Variants in PPP1R13L observed in about 807,000 individuals in gnomAD.
PPP1R13L encodes the protein relA-associated inhibitor.
In PPP1R13L, 50 loss-of-function variants were observed where a neutral mutation model predicts 80.9. The observed-to-expected ratio is 0.62, with a 90% confidence interval of 0.49 to 0.78. The LOEUF is 0.78. Ranked by LOEUF, PPP1R13L falls within the 30% of genes least tolerant of loss-of-function variation. The pLI, the probability that PPP1R13L is intolerant of heterozygous loss-of-function variation, is 0.00. For missense variants in PPP1R13L, 1,200 were observed against 1,205.9 expected (o/e 1.00, Z 0.07); for synonymous variants, 602 against 534.3 (o/e 1.13, Z -1.75).
intron 7 of PPP1R13L, chr19:45,394,826 G>A (rs945884582): frequency 2.0e-5 from 3 of 148,118 alleles, no homozygotes; most frequent in African/African-American, 7.6e-5. Flanking sequence ...ATGTCAATAG[G>A]ATCGATTCTA....
At chr19:45,387,741 T>C (rs909083957) in intron 8 of PPP1R13L, among the ~76,000 whole-genome samples, 1 of 152,096 alleles carries the variant, frequency 6.6e-6, no homozygotes. Flanking sequence ...TTAGTAAAGA[T>C]GGGGTTTCAC....
At chr19:45,390,432 A>G (rs2123367130) in intron 8 of PPP1R13L, among the ~76,000 whole-genome samples, 2 of 152,300 alleles carry the variant, frequency 1.3e-5, no homozygotes, top group East Asian at 3.9e-4. Context: ...CCTGACCAAA[A>G]CTACTGGTGT....
chr19:45,395,796 AGCGCCGGTAGCTGCCC>A lies in PPP1R13L; in HGVS notation c.978_993del (p.Gly327ArgfsTer43). On this transcript the variant is annotated frameshift_variant, in exon 7 of 13. Coordinates refer to ENST00000360957, the MANE Select transcript of PPP1R13L (RefSeq NM_006663.4). LOFTEE classifies it high-confidence loss of function. Reference sequence around the variant, plus strand: ...CCCGACGGCCCCGCGGAGCCCAGCGAGCGCCGGTAGCTGCCCGCGTCTGAACGCCGGTCGCTGGCCA... The same window carrying A: ...CCCGACGGCCCCGCGGAGCCCAGCGAGCGTCTGAACGCCGGTCGCTGGCCA... The A allele has an allele frequency of 6.3e-7, 1 of 1,578,790 alleles. No individual in the cohort carries two copies.
At chr19:45,392,624 G>A (rs537230775) in intron 7 of PPP1R13L, 97 of 522,000 alleles carry the variant, frequency 1.9e-4, no homozygotes, top group Middle Eastern at 1.5e-3. Flanking sequence ...CCACATTACC[G>A]AAAGGGAATC....
intron 6 of PPP1R13L, 78 bp from the exon 7 acceptor site, chr19:45,395,964 G>A (rs1044672718): frequency 7.9e-6 from 11 of 1,387,136 alleles, no homozygotes; most frequent in South Asian, 7.7e-5. Context: ...AGACGAGAAG[G>A]GAGAGGAGGT....
intron 1 of PPP1R13L, among the ~76,000 whole-genome samples, chr19:45,403,502 A>G (rs1348817618): frequency 1.3e-5 from 2 of 152,130 alleles, no homozygotes; most frequent in Non-Finnish European, 2.9e-5. Flanking sequence ...GATTCCAGAC[A>G]GAAGCTGGCA....
intron 8 of PPP1R13L, among the ~76,000 whole-genome samples, chr19:45,387,148 G>A (rs992074880): frequency 1.3e-5 from 2 of 151,550 alleles, no homozygotes; most frequent in African/African-American, 2.4e-5. Context: ...CACACCCGTC[G>A]TCCCAGCTAC....
At chr19:45,388,770 C>T (rs1972914562) in intron 8 of PPP1R13L, among the ~76,000 whole-genome samples, 1 of 151,396 alleles carries the variant, frequency 6.6e-6, no homozygotes, top group African/African-American at 2.4e-5. Context: ...CAGAGTTTCT[C>T]TCTGTTGCCC....
At chr19:45,395,215 G>A in intron 7 of PPP1R13L, 1 of 608,646 alleles carries the variant, frequency 1.6e-6, no homozygotes. Flanking sequence ...AGGTCACACA[G>A]CGTGGAACCA....
In PPP1R13L at chr19:45,396,907, C is replaced by T; in HGVS notation, c.350G>A (p.Arg117Gln). Residue 117 changes from arginine to glutamine, a missense_variant, in exon 4 of 13, where the codon CGG becomes CAG. Transcript: ENST00000360957. This position sits in a 1 kb window ranked among gnomAD's most constrained non-coding sequence, Gnocchi z 5.3. ...GAGCGGGGTGCGCGGCGACGACGGC[C>T]GTCCCTTGGGGGACAGCGGGCTGTA... ...HPYSPLSPKGRPSSPRTPLYL... is the reference protein window; with the variant it reads ...HPYSPLSPKGQPSSPRTPLYL... 6.6e-7 allele frequency: 1 copy of T among 1,508,492 alleles called. No individual in the cohort carries two copies. Among genetic ancestry groups the T allele is most frequent in the Non-Finnish European group, 8.8e-7 (1 of 1,136,500 alleles). The allele number at this position is 1,508,492 out of a possible 1,614,324, so 93.4% of individuals were successfully genotyped here.
intron 1 of PPP1R13L, among the ~76,000 whole-genome samples, chr19:45,400,275 A>T (rs553634570): frequency 6.6e-6 from 1 of 151,870 alleles, no homozygotes; most frequent in Non-Finnish European, 1.5e-5. Flanking sequence ...CCAGGGGTGG[A>T]GGGGCAGCTG....
In PPP1R13L at chr19:45,398,585, C is replaced by CTTTT. The variant is rs113649282; in HGVS notation, c.-21-250_-21-247dup. The stretch of plus-strand genomic sequence containing the variant: ...CACTTTCTCTTTCTTTTTTTCTTTT[C>CTTTT]TTTTTTTTTTTTTTTTTGTGTATGT... On this transcript the variant is annotated intron_variant, in intron 1 of 12. Transcript: ENST00000360957. 1.0e-3 allele frequency among the ~76,000 whole-genome samples: 141 copies of CTTTT among 136,506 alleles called. 1 individual carries two copies. Among genetic ancestry groups the CTTTT allele is most frequent in the African/African-American group, 3.5e-3 (125 of 35,872 alleles). 89.6% of individuals were successfully genotyped at this position (136,506 alleles called of 152,430 possible).
chr19:45,380,077 A>C lies in PPP1R13L; in HGVS notation c.*113T>G. 1 of 1,210,030 alleles carries C rather than the reference A, an allele frequency of 8.3e-7. No individual in the cohort carries two copies. The highest frequency in any genetic ancestry group is 1.2e-6 in the Non-Finnish European group (1 of 838,052). 75.0% of individuals were successfully genotyped at this position (1,210,030 alleles called of 1,614,324 possible). A position where few individuals can be genotyped will look rare whatever the true frequency, so the allele number is the denominator to read the frequency against. On this transcript the variant is annotated 3_prime_UTR_variant, in exon 13 of 13. Coordinates refer to ENST00000360957, the MANE Select transcript of PPP1R13L (RefSeq NM_006663.4). ...GAACAGAGAACCGGTGGCAAGGACCACCACCAGCAGGGTGAGGGGTGCAGA... is the reference window on the plus strand; with the variant it reads ...GAACAGAGAACCGGTGGCAAGGACCCCCACCAGCAGGGTGAGGGGTGCAGA...
At chr19:45,384,013 C>A (rs1309966754) in intron 11 of PPP1R13L, among the ~76,000 whole-genome samples, 1 of 151,774 alleles carries the variant, frequency 6.6e-6, no homozygotes, top group Non-Finnish European at 1.5e-5. Context: ...AATCCGCCCG[C>A]CTCGAGCCTC....
At chr19:45,399,360 C>T (rs937636833) in intron 1 of PPP1R13L, among the ~76,000 whole-genome samples, 4 of 151,010 alleles carry the variant, frequency 2.6e-5, no homozygotes, top group Non-Finnish European at 5.9e-5. Context: ...CGCGGTGGCT[C>T]ACGCCTGTAA....
chr19:45,404,271 C>T (rs1203919265), intron 1 of PPP1R13L, among the ~76,000 whole-genome samples: 1 of 152,186 alleles, frequency 6.6e-6, no homozygotes, highest in Non-Finnish European at 1.5e-5. Context: ...CCTCTGCAAA[C>T]CCAGCTGTTT....
At chr19:45,397,292 C>A (rs1266669466) in intron 3 of PPP1R13L, among the ~76,000 whole-genome samples, 1 of 152,026 alleles carries the variant, frequency 6.6e-6, no homozygotes, top group African/African-American at 2.4e-5. Context: ...AGGTAAACAC[C>A]TCTTTCCTTC....
intron 7 of PPP1R13L, chr19:45,393,240 A>T (rs981289561): frequency 6.6e-6 from 1 of 150,952 alleles, no homozygotes; most frequent in Non-Finnish European, 1.5e-5. Flanking sequence ...CACACACATT[A>T]TATATATAGT....
rs537356368 is a variant in PPP1R13L, at chr19:45,398,309, C to G, written c.10G>C (p.Glu4Gln). MDS[E>Q]AFQSARDFLD... Reference sequence around the variant, plus strand: ...AAGTCCCGCGCGCTCTGGAATGCCTCGCTGTCCATGGTGCCGGCCGGAGCG... The same window carrying G: ...AAGTCCCGCGCGCTCTGGAATGCCTGGCTGTCCATGGTGCCGGCCGGAGCG... Residue 4 changes from glutamate to glutamine, a missense_variant, in exon 2 of 13, where the codon GAG (glutamate) becomes CAG (glutamine). Glu to Gln is a conservative substitution (Grantham distance 29, BLOSUM62 2). Coordinates refer to ENST00000360957, the MANE Select transcript of PPP1R13L (RefSeq NM_006663.4). 27 of 1,613,712 alleles carry G rather than the reference C, an allele frequency of 1.7e-5. No homozygotes were observed. The highest frequency in any genetic ancestry group is 2.0e-5 in the Non-Finnish European group (24 of 1,179,962).
Sources: gnomAD v4.1 joint callset for allele counts (sites outside exome capture counted in the v4.1 genomes callset) on GRCh38, gnomAD v4.1.1 for gene constraint, Gnocchi (gnomAD v3.1) non-coding constraint, MANE v1.5 for transcripts, NCBI Gene and HGNC (gene_info 2026-07-23, HGNC 2026-07-21) for gene names.